Variants in KCNU1 observed in about 807,000 individuals in gnomAD.
The protein encoded by KCNU1 is potassium calcium-activated channel subfamily U member 1.
Under a neutral mutation model 126.8 loss-of-function variants are expected in KCNU1, and 93 were observed. The ratio of observed to expected loss-of-function variants is 0.73; its 90% confidence interval spans 0.62 to 0.87. KCNU1 has a LOEUF of 0.87. Among genes scored for constraint, KCNU1 ranks in the 40% least tolerant of loss-of-function variants. The probability of loss-of-function intolerance (pLI) is 0.00; values close to 1 mark genes in which losing one functional copy is unlikely to be tolerated. For synonymous variants in KCNU1, 523 were observed against 494.2 expected (o/e 1.06, Z -0.77); for missense variants, 1,330 against 1,367.1 (o/e 0.97, Z 0.43).
intron 12 of KCNU1, among the ~76,000 whole-genome samples, chr8:36,835,877 G>A (rs962282850): frequency 1.2e-4 from 18 of 152,106 alleles, no homozygotes; most frequent in South Asian, 4.1e-4. Context: ...TAAATATGAC[G>A]TAGATCTTAG....
intron 7 of KCNU1, among the ~76,000 whole-genome samples, chr8:36,812,159 C>G (rs1260521874): frequency 6.6e-6 from 1 of 152,032 alleles, no homozygotes; most frequent in African/African-American, 2.4e-5. Context: ...AGGGGCGGAT[C>G]TCCCGAGGTT....
chr8:36,886,644 C>G (rs2117422237), intron 19 of KCNU1, among the ~76,000 whole-genome samples: 1 of 152,152 alleles, frequency 6.6e-6, no homozygotes, highest in South Asian at 2.1e-4. Context: ...GGGGTGGAGA[C>G]TTAATATTTT....
chr8:36,864,003 T>A (rs1805813974), intron 18 of KCNU1, among the ~76,000 whole-genome samples: 1 of 152,174 alleles, frequency 6.6e-6, no homozygotes, highest in Non-Finnish European at 1.5e-5. Context: ...GGAGGTGATG[T>A]CCAGGCAGAA....
intron 2 of KCNU1, among the ~76,000 whole-genome samples, chr8:36,787,890 T>C (rs1316140502): frequency 6.7e-6 from 1 of 148,788 alleles, no homozygotes; most frequent in Admixed American, 6.7e-5. Flanking sequence ...AATTACTAAT[T>C]ATGTATTATA....
At chr8:36,813,942 G>A (rs780207158) in intron 7 of KCNU1, among the ~76,000 whole-genome samples, 3 of 152,128 alleles carry the variant, frequency 2.0e-5, no homozygotes, top group Non-Finnish European at 4.4e-5. Flanking sequence ...TCTGTCCCCG[G>A]TGGAGCTTTT....
intron 5 of KCNU1, 63 bp from the exon 6 acceptor site, chr8:36,807,312 C>T (rs35671599): frequency 0.024 from 26,052 of 1,101,368 alleles, 385 homozygotes; most frequent in Non-Finnish European, 0.03. Flanking sequence ...GCTGTTATAA[C>T]GTAGGCTCCC....
intron 18 of KCNU1, among the ~76,000 whole-genome samples, chr8:36,862,855 T>A: frequency 6.6e-6 from 1 of 152,156 alleles, no homozygotes; most frequent in East Asian, 1.9e-4. Flanking sequence ...TCTTAGACAT[T>A]CCATAACCCA....
intron 18 of KCNU1, among the ~76,000 whole-genome samples, chr8:36,849,059 T>C (rs945587497): frequency 2.0e-5 from 3 of 152,132 alleles, no homozygotes; most frequent in Non-Finnish European, 4.4e-5. Context: ...CTACAATCAA[T>C]TTTAGAACAT....
chr8:36,831,700 T>G (rs527261399), intron 10 of KCNU1, among the ~76,000 whole-genome samples: 5 of 148,564 alleles, frequency 3.4e-5, no homozygotes, highest in East Asian at 1.9e-4. Flanking sequence ...TTTCTCCCAT[T>G]TTGTAGGTTG....
chr8:36,911,179 A>C, intron 22 of KCNU1, 60 bp downstream of exon 22: 5 of 1,312,862 alleles, frequency 3.8e-6, no homozygotes, highest in African/African-American at 1.5e-5. Context: ...GAGATAATTA[A>C]CTCCTCTTTG....
intron 18 of KCNU1, among the ~76,000 whole-genome samples, chr8:36,860,055 T>C (rs1805673391): frequency 6.7e-6 from 1 of 148,936 alleles, no homozygotes; most frequent in African/African-American, 2.5e-5. Context: ...TCCTAGTAGA[T>C]TATACTTATT....
intron 24 of KCNU1, among the ~76,000 whole-genome samples, chr8:36,930,425 A>G (rs1490399025): frequency 6.6e-6 from 1 of 152,140 alleles, no homozygotes; most frequent in African/African-American, 2.4e-5. Context: ...GCTATGGGAA[A>G]TCCAAATACT....
chr8:36,891,071 C>T (rs1487088399), intron 19 of KCNU1, among the ~76,000 whole-genome samples: 2 of 151,658 alleles, frequency 1.3e-5, no homozygotes, highest in Non-Finnish European at 3.0e-5. Context: ...TTTAAGTCTG[C>T]TATTTGGTAT....
chr8:36,815,575 T>TCTC (rs952416196), intron 8 of KCNU1, 21 bp from the exon 9 acceptor site: 2 of 1,310,322 alleles, frequency 1.5e-6, no homozygotes, highest in African/African-American at 3.0e-5. Context: ...ACTAAGGTTT[T>TCTC]ATTTTGCTGA....
At chr8:36,851,159 A>C (rs1805328841) in intron 18 of KCNU1, among the ~76,000 whole-genome samples, 1 of 152,152 alleles carries the variant, frequency 6.6e-6, no homozygotes, top group African/African-American at 2.4e-5. Context: ...TCTATAGATA[A>C]ATTTTGGAAA....
intron 18 of KCNU1, among the ~76,000 whole-genome samples, chr8:36,847,295 G>A (rs2130602222): frequency 6.6e-6 from 1 of 152,220 alleles, no homozygotes; most frequent in East Asian, 1.9e-4. Context: ...GATATACAAT[G>A]TATAATGATC....
intron 24 of KCNU1, chr8:36,928,769 A>G (rs911927541): frequency 2.1e-6 from 1 of 481,276 alleles, no homozygotes. Context: ...TCTTATGCAG[A>G]CACAGCCTAT....
intron 18 of KCNU1, among the ~76,000 whole-genome samples, chr8:36,857,185 A>G (rs1027313610): frequency 1.3e-5 from 2 of 152,158 alleles, no homozygotes; most frequent in South Asian, 4.1e-4. Flanking sequence ...TGCTTCTCCC[A>G]CTGTGAAACC....
intron 19 of KCNU1, among the ~76,000 whole-genome samples, chr8:36,883,214 G>A (rs549159539): frequency 5.3e-4 from 81 of 152,268 alleles, no homozygotes; most frequent in African/African-American, 1.9e-3. Context: ...ACCATGCTGA[G>A]AAAGTTGATG....
Sources: allele counts gnomAD v4.1 joint callset (sites outside exome capture counted in the v4.1 genomes callset), GRCh38; gene constraint gnomAD v4.1.1; transcripts MANE v1.5; gene names NCBI Gene and HGNC (gene_info 2026-07-23, HGNC 2026-07-21).